The following GREB1L variants were observed in gnomAD, a reference collection of about 807,000 sequenced individuals.
The protein encoded by GREB1L is GREB1 like retinoic acid receptor coactivator.
A neutral mutation model predicts 200.8 loss-of-function variants in GREB1L; 17 were observed. The observed-to-expected ratio is 0.08, with a 90% CI of 0.06 to 0.13. GREB1L has a LOEUF of 0.13. Ranked by LOEUF, GREB1L falls within the 10% of genes least tolerant of loss-of-function variation. The probability of loss-of-function intolerance (pLI) is 1.00; values close to 1 mark genes in which losing one functional copy is unlikely to be tolerated. For missense variants in GREB1L, 1,657 were observed against 2,367.7 expected (o/e 0.70, Z 6.23); for synonymous variants, 789 against 893.0 (o/e 0.88, Z 2.08).
intron 7 of GREB1L, among the ~76,000 whole-genome samples, chr18:21,406,800 C>T (rs1163455766): frequency 1.3e-5 from 2 of 151,860 alleles, no homozygotes; most frequent in South Asian, 2.1e-4. Flanking sequence ...TGAGTTCTAC[C>T]TGCTAAGCTA....
intron 1 of GREB1L, among the ~76,000 whole-genome samples, chr18:21,270,259 T>C (rs2038056788): frequency 6.6e-6 from 1 of 152,142 alleles, no homozygotes; most frequent in African/African-American, 2.4e-5. Flanking sequence ...GAGAAACAAA[T>C]AGTGTTTCAC....
Position 21,499,972 on chromosome 18 carries a change from C to G in GREB1L, c.3635C>G (p.Pro1212Arg). The G allele has an allele frequency of 1.9e-6, 3 of 1,551,486 alleles. No individual in the cohort carries two copies. The highest frequency in any genetic ancestry group is 2.6e-6 in the Non-Finnish European group (3 of 1,146,970). Reference sequence around the variant, plus strand: ...TCATCCTCAGGACCCAGGACCCTCCCATGGCCGGGACAGCCCATCAGAGGC... The same window carrying G: ...TCATCCTCAGGACCCAGGACCCTCCGATGGCCGGGACAGCCCATCAGAGGC... ...SSSSSGPRTL[P>R]WPGQPIRGCR... is the part of the protein sequence containing the mutation. The change falls in exon 22 of 33, where the codon CCA becomes CGA. Residue 1212 changes from proline to arginine, a missense_variant. Pro to Arg is a moderately radical substitution (Grantham distance 103). Around this residue, in one of 9 missense-constraint regions of GREB1L, gnomAD observed 512 missense variants for 668.3 expected, o/e 0.77. Transcript: ENST00000424526.
At chr18:21,308,193 T>A (rs1463626260) in intron 1 of GREB1L, among the ~76,000 whole-genome samples, 2 of 152,086 alleles carry the variant, frequency 1.3e-5, no homozygotes, top group Non-Finnish European at 2.9e-5. Context: ...AATAGAAGAG[T>A]CACTGCCTTC....
Position 21,439,522 on chromosome 18 carries a change from T to A in GREB1L, c.834T>A (p.Asp278Glu). 1 of 1,522,600 alleles carries A rather than the reference T, an allele frequency of 6.6e-7. No individual in the cohort carries two copies. 94.3% of individuals were successfully genotyped at this position (1,522,600 alleles called of 1,614,324 possible). ...NGYKSGFTQT[D>E]AANGNSSHGG... is the part of the protein sequence containing the mutation. ...CACTCCTCTCCTTGTGTTCTACAGA[T>A]GCTGCTAATGGAAACAGTAGCCATG... Residue 278 changes from aspartate to glutamate, a missense_variant and splice_region_variant, in exon 8 of 33, where the codon GAT (aspartate) becomes GAA (glutamate). Transcript: ENST00000424526.
chr18:21,251,712 C>T (rs2037707478), intron 1 of GREB1L, among the ~76,000 whole-genome samples: 1 of 152,038 alleles, frequency 6.6e-6, no homozygotes, highest in Admixed American at 6.5e-5. Flanking sequence ...TTTGGAAGGC[C>T]AAGGTGGGCA....
chr18:21,271,626 T>G (rs1362061871), intron 1 of GREB1L, among the ~76,000 whole-genome samples: 1 of 144,522 alleles, frequency 6.9e-6, no homozygotes, highest in African/African-American at 2.6e-5. Flanking sequence ...CATTCTAGCC[T>G]GTGTGACAGC....
At chr18:21,434,499 A>G (rs568155735) in intron 7 of GREB1L, among the ~76,000 whole-genome samples, 79 of 127,284 alleles carry the variant, frequency 6.2e-4, no homozygotes, top group African/African-American at 1.3e-3. Flanking sequence ...ATATATATAT[A>G]TGTGTGTGTG....
intron 15 of GREB1L, among the ~76,000 whole-genome samples, chr18:21,456,334 G>T (rs2034763632): frequency 6.6e-6 from 1 of 152,152 alleles, no homozygotes; most frequent in Non-Finnish European, 1.5e-5. Flanking sequence ...ATTGTAATTG[G>T]ATTGTTTGTA....
At chr18:21,422,609 C>G (rs1356895202) in intron 7 of GREB1L, among the ~76,000 whole-genome samples, 2 of 152,112 alleles carry the variant, frequency 1.3e-5, no homozygotes, top group East Asian at 3.8e-4. Context: ...AAGATCTTTC[C>G]AAATCAATAG....
intron 17 of GREB1L, among the ~76,000 whole-genome samples, chr18:21,484,099 C>T (rs546422096): frequency 7.3e-4 from 111 of 151,850 alleles, no homozygotes; most frequent in Non-Finnish European, 1.2e-3. Flanking sequence ...GCCCAATCTT[C>T]CTTCTCTTAC....
chr18:21,386,189 G>A (rs947386873), intron 4 of GREB1L, among the ~76,000 whole-genome samples: 26 of 152,076 alleles, frequency 1.7e-4, no homozygotes, highest in African/African-American at 6.0e-4. Flanking sequence ...GCTACTTTTG[G>A]TTCTTATAAT....
chr18:21,517,190 T>A (rs568965929), intron 30 of GREB1L, among the ~76,000 whole-genome samples: 13 of 152,288 alleles, frequency 8.5e-5, no homozygotes, highest in African/African-American at 3.1e-4. Flanking sequence ...GAGTTCTTAA[T>A]GTCAAATTTT....
At position 21,340,683 on chromosome 18, in the gene GREB1L, C is replaced by G. The variant is rs111835660; in HGVS notation, c.-119-25344C>G. On this transcript the variant is annotated intron_variant, in intron 1 of 32. Transcript: ENST00000424526. ...TCAGCCTCCTGAGTAGCTGGGATTA[C>G]AGGCGCACGCCACCATGCCTGGCTA... Among the ~76,000 whole-genome samples, 1,142 of 151,976 alleles carry G rather than the reference C, an allele frequency of 7.5e-3. 18 individuals are homozygous for G. Among genetic ancestry groups the G allele is most frequent in the African/African-American group, 0.027 (1,101 of 41,516 alleles).
chr18:21,332,071 A>C (rs1038517304), intron 1 of GREB1L, among the ~76,000 whole-genome samples: 3 of 152,222 alleles, frequency 2.0e-5, no homozygotes, highest in African/African-American at 7.2e-5. Context: ...TTCAAAACTT[A>C]AACAACAACA....
At chr18:21,379,412 G>A (rs1031355033) in intron 2 of GREB1L, among the ~76,000 whole-genome samples, 2 of 152,060 alleles carry the variant, frequency 1.3e-5, no homozygotes, top group Non-Finnish European at 2.9e-5. Flanking sequence ...CTCCATGTTG[G>A]TCAGGCTGGT....
intron 1 of GREB1L, among the ~76,000 whole-genome samples, chr18:21,267,416 A>T (rs891159147): frequency 6.6e-6 from 1 of 151,768 alleles, no homozygotes; most frequent in Non-Finnish European, 1.5e-5. Context: ...TCCTGACCTC[A>T]GGTGATCTAC....
At chr18:21,328,382 C>T (rs1054852659) in intron 1 of GREB1L, among the ~76,000 whole-genome samples, 32 of 152,122 alleles carry the variant, frequency 2.1e-4, no homozygotes, top group African/African-American at 7.5e-4. Flanking sequence ...CAGTAAGACC[C>T]CAACCTGAAA....
At chr18:21,296,652 GTTTTTTGT>G (rs1258464435) in intron 1 of GREB1L, among the ~76,000 whole-genome samples, 80 of 149,880 alleles carry the variant, frequency 5.3e-4, no homozygotes, top group African/African-American at 1.9e-3. Flanking sequence ...GCTTTTCTTT[GTTTTTTGT>G]TTTTTTTTTT....
At position 21,449,749 on chromosome 18, in the gene GREB1L, A is replaced by G. The variant is rs1003321357; in HGVS notation, c.1633A>G (p.Met545Val). 1.4e-5 allele frequency: 22 copies of G among 1,551,376 alleles called. No homozygotes were observed. Among genetic ancestry groups the G allele is most frequent in the Non-Finnish European group, 1.9e-5 (22 of 1,146,832 alleles). ...AGAGACCTTAAGGACTCTCAGTGAAATGAGACACTATCAAAGGCTGCCAGA... is the reference window on the plus strand; with the variant it reads ...AGAGACCTTAAGGACTCTCAGTGAAGTGAGACACTATCAAAGGCTGCCAGA... Reference protein sequence around the residue: ...ISETLRTLSEMRHYQRLPDYV... With the variant: ...ISETLRTLSEVRHYQRLPDYV... Residue 545 changes from methionine (M) to valine (V), a missense_variant, in exon 12 of 33, where the codon ATG becomes GTG. Met to Val is a conservative substitution (Grantham distance 21). Around this residue, in one of 9 missense-constraint regions of GREB1L, gnomAD observed 239 missense variants for 421.8 expected, o/e 0.57. Coordinates refer to ENST00000424526, the MANE Select transcript of GREB1L (RefSeq NM_001142966.3).
Sources: gnomAD v4.1 joint callset for allele counts (sites outside exome capture counted in the v4.1 genomes callset) on GRCh38, gnomAD v4.1.1 for gene constraint, gnomAD v4.1.1 regional missense constraint, MANE v1.5 for transcripts, NCBI Gene and HGNC (gene_info 2026-07-23, HGNC 2026-07-21) for gene names.